MINDY4: variants seen among roughly 807,000 people sequenced by gnomAD.
MINDY4 encodes probable ubiquitin carboxyl-terminal hydrolase MINDY-4.
MINDY4 carries 68 observed loss-of-function variants against 87.0 expected under a neutral mutation model. The ratio of observed to expected loss-of-function variants is 0.78; its 90% CI spans 0.64 to 0.96. The LOEUF (loss-of-function observed/expected upper bound fraction) is 0.96. Among genes scored for constraint, MINDY4 ranks in the 40% least tolerant of loss-of-function variants. The probability of loss-of-function intolerance (pLI) is 0.00; values close to 1 mark genes in which losing one functional copy is unlikely to be tolerated. For missense variants in MINDY4, 919 were observed against 928.2 expected (o/e 0.99, Z 0.13); for synonymous variants, 379 against 363.2 (o/e 1.04, Z -0.50).
chr7:30,772,530 C>T (rs1324887575), intron 1 of MINDY4, among the ~76,000 whole-genome samples: 1 of 152,068 alleles, frequency 6.6e-6, no homozygotes, highest in Non-Finnish European at 1.5e-5. Context: ...GGGCAGCTTC[C>T]AAGCATTGGA....
At position 30,839,248 on chromosome 7, in the gene MINDY4, G is replaced by A; in HGVS notation, c.1288G>A (p.Glu430Lys). The A allele has an allele frequency of 3.1e-6, 5 of 1,612,726 alleles. No individual in the cohort carries two copies. The highest frequency in any genetic ancestry group is 4.2e-6 in the Non-Finnish European group (5 of 1,179,512). ...TTCCAGCTTTTGCTGTTTCAATGAA[G>A]AATGGAAACTTCAGAGTTTTTCCTT... is the stretch of plus-strand genomic sequence containing the variant. ...FGSSFCCFNE[E>K]WKLQSFSFSN... is the part of the protein sequence containing the mutation. Residue 430 changes from glutamate (E) to lysine (K), a missense_variant, in exon 8 of 18, where the codon GAA becomes AAA. By Grantham distance (56) the Glu-to-Lys change is moderately conservative. Coordinates refer to ENST00000265299, the MANE Select transcript of MINDY4 (RefSeq NM_032222.3).
chr7:30,844,014 T>G (rs1001816074), intron 9 of MINDY4, among the ~76,000 whole-genome samples: 3 of 152,154 alleles, frequency 2.0e-5, no homozygotes, highest in Non-Finnish European at 4.4e-5. Flanking sequence ...CCAGCGAGCC[T>G]GGAAGGATTC....
chr7:30,821,763 T>C (rs1035556387), intron 5 of MINDY4, among the ~76,000 whole-genome samples: 5 of 121,702 alleles, frequency 4.1e-5, no homozygotes, highest in Non-Finnish European at 6.2e-5. Flanking sequence ...AGTTTATCTC[T>C]CTCCTGATGG....
Position 30,774,854 on chromosome 7 carries a change from C to G in MINDY4, c.63+3298C>G, listed in dbSNP as rs557407290. On this transcript the variant is annotated intron_variant, in intron 1 of 17. Transcript: ENST00000265299. ...GCTCAAGGACTTAGTTTATGGCTCTCTTCTCTTCTTCTTTCCGTTCACTCT... is the reference window on the plus strand; with the variant it reads ...GCTCAAGGACTTAGTTTATGGCTCTGTTCTCTTCTTCTTTCCGTTCACTCT... Among the ~76,000 whole-genome samples the G allele has an allele frequency of 3.9e-5, 6 of 152,116 alleles. No homozygotes were observed. In the South Asian group the frequency reaches 1.2e-3, roughly 32 times the overall value.
At chr7:30,863,657 T>C (rs993157407) in intron 13 of MINDY4, among the ~76,000 whole-genome samples, 5 of 152,136 alleles carry the variant, frequency 3.3e-5, no homozygotes, top group African/African-American at 1.2e-4. Flanking sequence ...CATGGACAGA[T>C]GTAAACCTAG....
chr7:30,802,700 C>T (rs1055813000), intron 5 of MINDY4, among the ~76,000 whole-genome samples: 3 of 152,174 alleles, frequency 2.0e-5, no homozygotes, highest in African/African-American at 7.2e-5. Context: ...TTTAGTTTGC[C>T]TGTTGGCATT....
intron 5 of MINDY4, among the ~76,000 whole-genome samples, chr7:30,823,492 C>T (rs1194059027): frequency 6.6e-6 from 1 of 152,188 alleles, no homozygotes; most frequent in Non-Finnish European, 1.5e-5. Context: ...CTTCCTCCTT[C>T]AGTAGCAGAC....
At chr7:30,845,656 G>C (rs953080570) in intron 9 of MINDY4, among the ~76,000 whole-genome samples, 1 of 152,138 alleles carries the variant, frequency 6.6e-6, no homozygotes, top group African/African-American at 2.4e-5. Flanking sequence ...GCACTTTCCT[G>C]CCTGTGTGCG....
intron 13 of MINDY4, among the ~76,000 whole-genome samples, chr7:30,859,756 G>T (rs1789693830): frequency 6.6e-6 from 1 of 152,184 alleles, no homozygotes; most frequent in African/African-American, 2.4e-5. Flanking sequence ...CGTGGACAAG[G>T]CTGGCATCCT....
chr7:30,783,883 T>G (rs12673216), intron 3 of MINDY4, among the ~76,000 whole-genome samples: 6,143 of 152,278 alleles, frequency 0.04, 247 homozygotes, highest in East Asian at 0.2. Flanking sequence ...AATAAGCTCT[T>G]TTAAAAATCT....
rs554158949 is a variant in MINDY4, at chr7:30,808,847, A to G, written c.1073+17273A>G. ...CCCACCCCGCACAATGGCTGAGACA[A>G]CAGCAGCATAAACAGCTGGCAGAGT... is the stretch of plus-strand genomic sequence containing the variant. On this transcript the variant is annotated intron_variant, in intron 5 of 17. Coordinates refer to ENST00000265299, the MANE Select transcript of MINDY4 (RefSeq NM_032222.3). Among the ~76,000 whole-genome samples, 9 of 152,088 alleles carry G rather than the reference A, an allele frequency of 5.9e-5. 1 individual carries two copies. The South Asian group carries it at 1.5e-3, about 25-fold the overall frequency.
intron 7 of MINDY4, 135 bp downstream of exon 7, chr7:30,836,899 T>C (rs1188474166): frequency 1.5e-6 from 1 of 683,548 alleles, no homozygotes; most frequent in Non-Finnish European, 2.5e-6. Context: ...TTGGGTGTGA[T>C]GTAGAAGAAA....
Position 30,892,042 on chromosome 7 carries a change from A to T in MINDY4, c.*37A>T. The T allele has an allele frequency of 6.2e-7, 1 of 1,607,898 alleles. No individual in the cohort carries two copies. The highest frequency in any genetic ancestry group is 1.1e-5 in the South Asian group (1 of 90,982). On this transcript the variant is annotated 3_prime_UTR_variant, in exon 18 of 18. Coordinates refer to ENST00000265299, the MANE Select transcript of MINDY4 (RefSeq NM_032222.3). ...GGGTAAACCCTGTGGTCCACCACTC[A>T]TCACCTCATCACCGAGGATGACAGC...
At chr7:30,808,813 T>C (rs2128557505) in intron 5 of MINDY4, among the ~76,000 whole-genome samples, 1 of 152,046 alleles carries the variant, frequency 6.6e-6, no homozygotes, top group South Asian at 2.1e-4. Context: ...AGCCCCGTCG[T>C]CGGCCCTCCC....
At chr7:30,788,307 A>G (rs1018496937) in intron 4 of MINDY4, among the ~76,000 whole-genome samples, 1 of 152,256 alleles carries the variant, frequency 6.6e-6, no homozygotes, top group Non-Finnish European at 1.5e-5. Context: ...AAACCATATC[A>G]GTGAACTTTT....
intron 7 of MINDY4, among the ~76,000 whole-genome samples, chr7:30,838,969 G>A (rs1562548961): frequency 6.6e-6 from 1 of 152,162 alleles, no homozygotes; most frequent in Non-Finnish European, 1.5e-5. Flanking sequence ...GTCAGCACAG[G>A]CTAGCTTGGT....
intron 5 of MINDY4, among the ~76,000 whole-genome samples, chr7:30,809,774 A>C (rs904474756): frequency 1.3e-5 from 2 of 151,110 alleles, no homozygotes; most frequent in Non-Finnish European, 2.9e-5. Context: ...AAGAATGGTT[A>C]TCATCTTCGA....
At chr7:30,848,838 T>G (rs1789308303) in intron 9 of MINDY4, among the ~76,000 whole-genome samples, 1 of 152,178 alleles carries the variant, frequency 6.6e-6, no homozygotes, top group Non-Finnish European at 1.5e-5. Flanking sequence ...TTGGTGTCAC[T>G]TTCATATTAG....
At chr7:30,876,368 A>T (rs1790257620) in intron 15 of MINDY4, among the ~76,000 whole-genome samples, 1 of 152,182 alleles carries the variant, frequency 6.6e-6, no homozygotes. Flanking sequence ...TATGCCTGCA[A>T]CAACCCTGTG....
Sources: gnomAD v4.1 joint callset for allele counts (sites outside exome capture counted in the v4.1 genomes callset) on GRCh38, gnomAD v4.1.1 for gene constraint, MANE v1.5 for transcripts, NCBI Gene and HGNC (gene_info 2026-07-23, HGNC 2026-07-21) for gene names.